The following NRXN1 variants were observed in gnomAD, a reference collection of about 807,000 sequenced individuals.
The protein encoded by NRXN1 is neurexin 1, also known as neurexin-1.
A neutral mutation model predicts 150.9 loss-of-function variants in NRXN1; 39 were observed. That is an observed-to-expected ratio of 0.26 (90% CI 0.20 to 0.34). The LOEUF (loss-of-function observed/expected upper bound fraction) is 0.34, where lower values mean the gene tolerates loss of function less well. NRXN1 is among the 10% of genes least tolerant of loss of function. NRXN1 has a pLI of 1.00. For missense variants in NRXN1, 1,815 were observed against 1,949.9 expected (o/e 0.93, Z 1.30); for synonymous variants, 924 against 757.0 (o/e 1.22, Z -3.62).
intron 19 of NRXN1, among the ~76,000 whole-genome samples, chr2:50,065,720 T>A (rs1695256952): frequency 1.3e-5 from 2 of 152,124 alleles, no homozygotes; most frequent in Admixed American, 1.3e-4. Context: ...ACTGGAGGCA[T>A]AAAATGTTCC....
At chr2:50,653,907 G>A (rs1685999130) in intron 5 of NRXN1, among the ~76,000 whole-genome samples, 1 of 149,710 alleles carries the variant, frequency 6.7e-6, no homozygotes, top group South Asian at 2.1e-4. Context: ...GTGACATAAT[G>A]GCTGTAGCTG....
At chr2:50,588,394 T>C (rs1673522039) in intron 8 of NRXN1, among the ~76,000 whole-genome samples, 2 of 152,118 alleles carry the variant, frequency 1.3e-5, no homozygotes, top group South Asian at 4.1e-4. Flanking sequence ...CTGCACCTCA[T>C]GAAATCATAT....
intron 2 of NRXN1, among the ~76,000 whole-genome samples, chr2:50,928,702 G>A (rs970635969): frequency 6.6e-6 from 1 of 151,956 alleles, no homozygotes. Flanking sequence ...GGCATGCCAC[G>A]GTGTACAGGT....
chr2:50,149,954 A>G (rs2152770711), intron 18 of NRXN1, among the ~76,000 whole-genome samples: 1 of 151,858 alleles, frequency 6.6e-6, no homozygotes, highest in Admixed American at 6.6e-5. Flanking sequence ...TGAACTATTG[A>G]TGCCAAATGA....
At chr2:50,151,852 G>A (rs190639846) in intron 18 of NRXN1, among the ~76,000 whole-genome samples, 2 of 151,624 alleles carry the variant, frequency 1.3e-5, no homozygotes, top group African/African-American at 4.8e-5. Flanking sequence ...CAATGCAGCT[G>A]TAAAATAGGC....
intron 8 of NRXN1, among the ~76,000 whole-genome samples, chr2:50,600,107 T>C (rs1317947930): frequency 6.6e-6 from 1 of 152,096 alleles, no homozygotes; most frequent in African/African-American, 2.4e-5. Flanking sequence ...AGAATGTCAC[T>C]GAAAATCTAA....
chr2:50,698,440 C>T (rs979185391), intron 5 of NRXN1, among the ~76,000 whole-genome samples: 1 of 152,168 alleles, frequency 6.6e-6, no homozygotes, highest in Non-Finnish European at 1.5e-5. Flanking sequence ...ATAAGTCACT[C>T]TTCTCACAAA....
rs192264329 is a variant in NRXN1 at position 50,260,498 on chromosome 2, G to C, written c.3365-23528C>G. On this transcript the variant is annotated intron_variant, in intron 17 of 22. Transcript: ENST00000401669. ...ACATTTGGACCCTGTTGTTCTATTG[G>C]AATACAACCACACTCCTCAGAGGGA... is the stretch of plus-strand genomic sequence containing the variant. Among the ~76,000 whole-genome samples, 533 of 151,500 alleles carry C rather than the reference G, an allele frequency of 3.5e-3. 2 individuals are homozygous for C. Among genetic ancestry groups the C allele is most frequent in the African/African-American group, 0.012 (496 of 41,374 alleles).
In NRXN1 at chr2:50,408,869, CT is replaced by C. The variant is rs1237134557; in HGVS notation, c.3364+56572del. 3.7e-5 allele frequency among the ~76,000 whole-genome samples: 5 copies of C among 136,250 alleles called. No individual in the cohort carries two copies. The East Asian group carries it at 9.2e-4, about 25-fold the overall frequency. 89.4% of individuals were successfully genotyped at this position (136,250 alleles called of 152,430 possible). ...TCTCTCTCTCTCTCTCTCTCTCTCT[CT>C]CTCTCATATTTATATGCTCTAAATC... is the stretch of plus-strand genomic sequence containing the variant. On this transcript the variant is annotated intron_variant, in intron 17 of 22. Coordinates refer to ENST00000401669, the MANE Select transcript of NRXN1 (RefSeq NM_001330078.2).
intron 21 of NRXN1, among the ~76,000 whole-genome samples, chr2:49,976,198 T>G (rs1339627247): frequency 6.6e-6 from 1 of 151,202 alleles, no homozygotes; most frequent in Admixed American, 6.6e-5. Flanking sequence ...AATTTTTTTT[T>G]TTTTTTGTAT....
intron 17 of NRXN1, among the ~76,000 whole-genome samples, chr2:50,445,951 T>A (rs1166551499): frequency 1.3e-5 from 2 of 152,160 alleles, no homozygotes; most frequent in Non-Finnish European, 2.9e-5. Flanking sequence ...TCTCAATTTC[T>A]TTATCTTTTT....
At chr2:50,734,125 G>A (rs578007428) in intron 5 of NRXN1, among the ~76,000 whole-genome samples, 30 of 152,198 alleles carry the variant, frequency 2.0e-4, no homozygotes, top group South Asian at 4.1e-4. Context: ...GTGAGTAGAC[G>A]CCAAGGATAC....
chr2:50,865,369 C>A (rs1475147850), intron 5 of NRXN1, among the ~76,000 whole-genome samples: 1 of 151,738 alleles, frequency 6.6e-6, no homozygotes, highest in Non-Finnish European at 1.5e-5. Context: ...TCTGGAGATT[C>A]CTAAAATTAG....
intron 21 of NRXN1, among the ~76,000 whole-genome samples, chr2:49,973,299 T>C (rs1170121752): frequency 6.6e-6 from 1 of 152,248 alleles, no homozygotes; most frequent in Non-Finnish European, 1.5e-5. Context: ...CACGCATTTT[T>C]TTCAGTAAGC....
intron 5 of NRXN1, among the ~76,000 whole-genome samples, chr2:50,881,109 C>A (rs1048129956): frequency 6.6e-5 from 10 of 151,910 alleles, no homozygotes; most frequent in Non-Finnish European, 1.3e-4. Context: ...CCAGACTTCT[C>A]TGAGACAAAG....
intron 17 of NRXN1, among the ~76,000 whole-genome samples, chr2:50,395,625 T>C (rs1380289505): frequency 6.6e-6 from 1 of 152,094 alleles, no homozygotes; most frequent in Non-Finnish European, 1.5e-5. Context: ...GATAACAAAA[T>C]GAATCACAAT....
intron 5 of NRXN1, among the ~76,000 whole-genome samples, chr2:50,849,400 T>C (rs1012842473): frequency 6.6e-6 from 1 of 152,164 alleles, no homozygotes; most frequent in Non-Finnish European, 1.5e-5. Context: ...CTGGGAGCCA[T>C]CCCTTTTGAA....
At chr2:50,829,999 GA>G (rs572758147) in intron 5 of NRXN1, among the ~76,000 whole-genome samples, 33 of 58,170 alleles carry the variant, frequency 5.7e-4, no homozygotes, top group African/African-American at 1.9e-3. Flanking sequence ...CTGCCTGCTG[GA>G]AAAAAAAAAA....
intron 22 of NRXN1, among the ~76,000 whole-genome samples, chr2:49,923,434 AT>A (rs751614544): frequency 5.4e-4 from 82 of 152,148 alleles, no homozygotes; most frequent in Non-Finnish European, 7.8e-4. Context: ...TCAAAACACT[AT>A]TCTTTGCCAA....
Sources: allele counts gnomAD v4.1 joint callset (sites outside exome capture counted in the v4.1 genomes callset), GRCh38; gene constraint gnomAD v4.1.1; transcripts MANE v1.5; gene names NCBI Gene and HGNC (gene_info 2026-07-23, HGNC 2026-07-21).